The following SERPINE2 variants were observed in gnomAD, a reference collection of about 807,000 sequenced individuals.
SERPINE2 encodes the protein glia-derived nexin.
In SERPINE2, 14 loss-of-function variants were observed where a neutral mutation model predicts 36.3. The observed-to-expected ratio is 0.39, with a 90% CI of 0.25 to 0.60. SERPINE2 has a LOEUF of 0.60. Among genes scored for constraint, SERPINE2 ranks in the 20% least tolerant of loss-of-function variants. SERPINE2 has a pLI of 0.57. For synonymous variants in SERPINE2, 192 were observed against 191.8 expected, an observed-to-expected ratio of 1.00 and a Z score of -0.01; for missense variants, 418 against 499.6, an observed-to-expected ratio of 0.84 and a Z score of 1.56.
At chr2:224,017,623 C>A (rs1436315893) in intron 1 of SERPINE2, among the ~76,000 whole-genome samples, 1 of 152,216 alleles carries the variant, frequency 6.6e-6, no homozygotes, top group African/African-American at 2.4e-5. Context: ...TCAAATGTCA[C>A]CTCCACTGCC....
intron 1 of SERPINE2, among the ~76,000 whole-genome samples, chr2:224,015,041 G>C (rs1691753167): frequency 6.6e-6 from 1 of 150,870 alleles, no homozygotes; most frequent in Non-Finnish European, 1.5e-5. Context: ...ATGGCATCTG[G>C]TAGGTGGGGG....
chr2:224,019,664 G>C (rs141758808), intron 1 of SERPINE2, among the ~76,000 whole-genome samples: 145 of 151,598 alleles, frequency 9.6e-4, no homozygotes, highest in African/African-American at 3.2e-3. Context: ...AGCTTTCAAT[G>C]ATCTGTTGAT....
At chr2:224,025,856 T>C (rs532911241) in intron 1 of SERPINE2, among the ~76,000 whole-genome samples, 2 of 152,360 alleles carry the variant, frequency 1.3e-5, no homozygotes, top group East Asian at 3.9e-4. Flanking sequence ...ATATTAGTGA[T>C]CGTGTTACTT....
chr2:224,003,767 CCA>C (rs1318790991), intron 1 of SERPINE2, among the ~76,000 whole-genome samples: 13 of 152,216 alleles, frequency 8.5e-5, no homozygotes, highest in Non-Finnish European at 1.5e-4. Context: ...CAGTTCTTCC[CCA>C]AGAGGCCCAA....
At chr2:224,033,123 T>C in intron 1 of SERPINE2, among the ~76,000 whole-genome samples, 1 of 152,220 alleles carries the variant, frequency 6.6e-6, no homozygotes, top group Non-Finnish European at 1.5e-5. Flanking sequence ...GGGTATTTTT[T>C]AAAAACCCAA....
Position 223,998,356 on chromosome 2 carries a change from C to T in SERPINE2, c.260-14G>A. The stretch of plus-strand genomic sequence containing the variant: ...TTTTACCAACTCCTAAAAGAGAAAT[C>T]AGAAGATACAGCAATACTTCCATAA... On this transcript the variant is annotated splice_polypyrimidine_tract_variant and intron_variant, in intron 2 of 8. Transcript: ENST00000409304. 1 of 1,570,172 alleles carries T rather than the reference C, an allele frequency of 6.4e-7. No homozygotes were observed. The highest frequency in any genetic ancestry group is 1.1e-5 in the South Asian group (1 of 90,140).
intron 1 of SERPINE2, among the ~76,000 whole-genome samples, chr2:224,016,098 A>G (rs1370252511): frequency 6.6e-6 from 1 of 152,250 alleles, no homozygotes; most frequent in Non-Finnish European, 1.5e-5. Flanking sequence ...ATATGTCCAG[A>G]TGAATGGCTA....
chr2:224,011,271 T>C (rs1280797054), intron 1 of SERPINE2, among the ~76,000 whole-genome samples: 1 of 152,176 alleles, frequency 6.6e-6, no homozygotes, highest in African/African-American at 2.4e-5. Flanking sequence ...TCTCAATCTT[T>C]AAAAACAAGG....
chr2:224,018,414 T>G (rs964777082), intron 1 of SERPINE2, among the ~76,000 whole-genome samples: 2 of 152,166 alleles, frequency 1.3e-5, no homozygotes, highest in African/African-American at 4.8e-5. Flanking sequence ...ATCACAGTTT[T>G]GTTTAGATGG....
chr2:224,036,066 G>A (rs904051182), intron 1 of SERPINE2, among the ~76,000 whole-genome samples: 17 of 152,142 alleles, frequency 1.1e-4, no homozygotes, highest in African/African-American at 4.1e-4. Context: ...AATCAATTTT[G>A]GATTTATTTT....
At chr2:224,027,790 T>C (rs1028806502) in intron 1 of SERPINE2, among the ~76,000 whole-genome samples, 4 of 152,162 alleles carry the variant, frequency 2.6e-5, no homozygotes, top group Non-Finnish European at 4.4e-5. Flanking sequence ...GATTGGCCTG[T>C]TTTGCAGATA....
chr2:224,029,067 C>T (rs960398245), intron 1 of SERPINE2, among the ~76,000 whole-genome samples: 1 of 152,182 alleles, frequency 6.6e-6, no homozygotes, highest in Non-Finnish European at 1.5e-5. Context: ...CATGATTTAC[C>T]ACCTTGCTGC....
chr2:224,038,629 G>A, intron 1 of SERPINE2: 1 of 871,448 alleles, frequency 1.1e-6, no homozygotes, highest in Non-Finnish European at 1.9e-6. Context: ...CCTCTGCCCA[G>A]GCAGAGGTAA....
chr2:224,015,187 G>A (rs1211862354), intron 1 of SERPINE2, among the ~76,000 whole-genome samples: 1 of 152,210 alleles, frequency 6.6e-6, no homozygotes, highest in Admixed American at 6.5e-5. Context: ...CAAGGTTGGG[G>A]AAGCCTGGTC....
intron 4 of SERPINE2, among the ~76,000 whole-genome samples, chr2:223,986,554 C>T (rs1157090473): frequency 1.3e-5 from 2 of 151,972 alleles, no homozygotes; most frequent in African/African-American, 2.4e-5. Flanking sequence ...AATCTCTATT[C>T]TGGCGGAGCT....
At chr2:224,029,944 AC>A (rs1692304469) in intron 1 of SERPINE2, 16 of 555,510 alleles carry the variant, frequency 2.9e-5, no homozygotes, top group Non-Finnish European at 3.7e-5. Flanking sequence ...TGATCTGCCC[AC>A]CTCAGCCTCC....
At chr2:223,986,330 A>G (rs1559197063) in intron 4 of SERPINE2, among the ~76,000 whole-genome samples, 1 of 152,120 alleles carries the variant, frequency 6.6e-6, no homozygotes, top group African/African-American at 2.4e-5. Context: ...CTGTTCAGTA[A>G]CCCGGGTGCA....
intron 6 of SERPINE2, chr2:223,981,183 G>C (rs929553359): frequency 2.0e-5 from 3 of 152,174 alleles, no homozygotes; most frequent in Non-Finnish European, 2.9e-5. Context: ...CCAATGCCCA[G>C]CTCTAATATG....
intron 1 of SERPINE2, among the ~76,000 whole-genome samples, chr2:224,014,457 G>C (rs1458464616): frequency 6.6e-6 from 1 of 152,234 alleles, no homozygotes; most frequent in Non-Finnish European, 1.5e-5. Context: ...GCATTGATGA[G>C]AAACAGTCTA....
Sources: allele counts gnomAD v4.1 joint callset (sites outside exome capture counted in the v4.1 genomes callset), GRCh38; gene constraint gnomAD v4.1.1; transcripts MANE v1.5; gene names NCBI Gene and HGNC (gene_info 2026-07-23, HGNC 2026-07-21).